Variants in RGS22 observed in about 807,000 individuals in gnomAD.
The protein encoded by RGS22 is regulator of G-protein signaling 22.
In RGS22, 148 loss-of-function variants were observed where a neutral mutation model predicts 172.9. That is an observed-to-expected ratio of 0.86 (90% CI 0.75 to 0.98). The LOEUF (loss-of-function observed/expected upper bound fraction) is 0.98. Ranked by LOEUF, RGS22 falls within the 50% of genes least tolerant of loss-of-function variation. RGS22 has a pLI of 0.00. For missense variants in RGS22, 1,347 were observed against 1,440.8 expected (o/e 0.93, Z 1.05); for synonymous variants, 458 against 480.2 (o/e 0.95, Z 0.60).
intron 14 of RGS22, among the ~76,000 whole-genome samples, chr8:100,037,310 T>C (rs936988387): frequency 6.6e-6 from 1 of 151,894 alleles, no homozygotes; most frequent in African/African-American, 2.4e-5. Flanking sequence ...AGTAAATAAA[T>C]AAAAAAGTAA....
At chr8:99,969,441 T>A (rs1753493903) in intron 23 of RGS22, among the ~76,000 whole-genome samples, 1 of 152,040 alleles carries the variant, frequency 6.6e-6, no homozygotes, top group African/African-American at 2.4e-5. Flanking sequence ...AGACACAAAC[T>A]GGCAAATTGG....
intron 18 of RGS22, among the ~76,000 whole-genome samples, chr8:100,001,219 T>TATATATACAC (rs1402594104): frequency 3.0e-5 from 4 of 132,966 alleles, no homozygotes; most frequent in African/African-American, 1.1e-4. Flanking sequence ...TATATATATA[T>TATATATACAC]ACATATATAT....
At chr8:100,076,601 G>A (rs1811366766) in intron 4 of RGS22, among the ~76,000 whole-genome samples, 1 of 152,130 alleles carries the variant, frequency 6.6e-6, no homozygotes, top group Non-Finnish European at 1.5e-5. Context: ...TGTCTTTGTG[G>A]CACGATTTTA....
chr8:100,011,686 C>A (rs1439420814), intron 14 of RGS22, among the ~76,000 whole-genome samples: 1 of 152,152 alleles, frequency 6.6e-6, no homozygotes, highest in Non-Finnish European at 1.5e-5. Flanking sequence ...CTGACTCCAG[C>A]CTCGAGTTTT....
At chr8:100,035,509 G>A (rs902339769) in intron 14 of RGS22, among the ~76,000 whole-genome samples, 3 of 152,216 alleles carry the variant, frequency 2.0e-5, no homozygotes, top group Non-Finnish European at 2.9e-5. Flanking sequence ...TACACTGTTG[G>A]TGGGAGTATA....
chr8:99,962,625 G>T, intron 26 of RGS22, 62 bp downstream of exon 26: 1 of 1,514,502 alleles, frequency 6.6e-7, no homozygotes, highest in Non-Finnish European at 9.0e-7. Context: ...ATGGCCAGGT[G>T]AGAGGCAAAA....
chr8:99,999,275 C>T lies in RGS22; in HGVS notation c.2936G>A (p.Arg979His), dbSNP rs1008009423. The T allele has an allele frequency of 7.4e-6, 12 of 1,613,556 alleles. No individual in the cohort carries two copies. Among genetic ancestry groups the T allele is most frequent in the South Asian group, 1.1e-5 (1 of 90,996 alleles). Reference protein sequence around the residue: ...LFLASEQFAARQKIKVQMKDI... With the variant: ...LFLASEQFAAHQKIKVQMKDI... ...TAATTTATATACCTTTATCTTCTGACGTGCTGCAAACTGTTCACTTGCAAG... is the reference window on the plus strand; with the variant it reads ...TAATTTATATACCTTTATCTTCTGATGTGCTGCAAACTGTTCACTTGCAAG... The change falls in exon 19 of 28, where the codon CGT becomes CAT. Residue 979 changes from arginine (R) to histidine (H), a missense_variant. Transcript: ENST00000360863.
At chr8:100,102,306 T>C (rs568580802) in intron 2 of RGS22, among the ~76,000 whole-genome samples, 1 of 152,214 alleles carries the variant, frequency 6.6e-6, no homozygotes, top group African/African-American at 2.4e-5. Context: ...GTGACCATGT[T>C]TGGCTGCAAG....
At chr8:99,964,420 G>A (rs1014112384) in intron 24 of RGS22, among the ~76,000 whole-genome samples, 1 of 145,128 alleles carries the variant, frequency 6.9e-6, no homozygotes, top group South Asian at 2.2e-4. Flanking sequence ...CCTTTAACCT[G>A]CAAAGAGTTA....
chr8:99,986,556 T>C (rs932927787), intron 21 of RGS22, among the ~76,000 whole-genome samples: 1 of 152,188 alleles, frequency 6.6e-6, no homozygotes, highest in Non-Finnish European at 1.5e-5. Flanking sequence ...AGTATTTCTA[T>C]ACAACATTTC....
At chr8:99,994,049 T>G (rs1337778901) in intron 20 of RGS22, among the ~76,000 whole-genome samples, 2 of 152,156 alleles carry the variant, frequency 1.3e-5, no homozygotes, top group African/African-American at 2.4e-5. Flanking sequence ...GAAAAGGCCT[T>G]CAACAAATTC....
intron 27 of RGS22, among the ~76,000 whole-genome samples, chr8:99,961,739 G>T (rs1221275212): frequency 6.6e-6 from 1 of 152,090 alleles, no homozygotes; most frequent in African/African-American, 2.4e-5. Flanking sequence ...CTGAGGGGTG[G>T]AGAAATGGGC....
Position 99,978,006 on chromosome 8 carries a change from C to G in RGS22, c.3430G>C (p.Glu1144Gln). The G allele has an allele frequency of 6.5e-7, 1 of 1,550,324 alleles. No homozygotes were observed. The highest frequency in any genetic ancestry group is 1.7e-4 in the Middle Eastern group (1 of 5,752). Reference sequence around the variant, plus strand: ...CTCTCTAAAACACTCATAATATTTTCATCTGTTAAATTCTTCCTAAACTCA... The same window carrying G: ...CTCTCTAAAACACTCATAATATTTTGATCTGTTAAATTCTTCCTAAACTCA... ...FCEFRKNLTDENIMSVLERRQ... is the reference protein window; with the variant it reads ...FCEFRKNLTDQNIMSVLERRQ... The change falls in exon 23 of 28, where the codon GAA (glutamate) becomes CAA (glutamine). Residue 1144 changes from glutamate (E) to glutamine (Q), a missense_variant. Physicochemically the swap from Glu to Gln is conservative, Grantham distance 29. Coordinates refer to ENST00000360863, the MANE Select transcript of RGS22 (RefSeq NM_015668.5).
chr8:100,073,024 C>A (rs1158243348), intron 4 of RGS22, among the ~76,000 whole-genome samples: 1 of 152,146 alleles, frequency 6.6e-6, no homozygotes, highest in Non-Finnish European at 1.5e-5. Flanking sequence ...TACAGAATTA[C>A]TGAAGAGTTA....
intron 22 of RGS22, among the ~76,000 whole-genome samples, chr8:99,978,894 G>A (rs915867386): frequency 7.2e-5 from 11 of 152,070 alleles, no homozygotes; most frequent in Non-Finnish European, 1.6e-4. Flanking sequence ...AACTCATAGG[G>A]GAAAAGAGGA....
intron 15 of RGS22, among the ~76,000 whole-genome samples, chr8:100,007,498 T>C (rs1226915199): frequency 3.3e-5 from 5 of 152,164 alleles, no homozygotes; most frequent in Non-Finnish European, 5.9e-5. Flanking sequence ...CTGGGGGTAC[T>C]TTAAAATAGA....
chr8:99,973,883 C>A lies in RGS22; in HGVS notation c.3519+4034G>T, dbSNP rs1358528096. 5.3e-3 allele frequency among the ~76,000 whole-genome samples: 759 copies of A among 143,288 alleles called. 9 individuals are homozygous for A. Among genetic ancestry groups the A allele is most frequent in the African/African-American group, 0.018 (679 of 38,698 alleles). 94.0% of individuals were successfully genotyped at this position (143,288 alleles called of 152,430 possible). A position where few individuals can be genotyped will look rare whatever the true frequency, so the allele number is the denominator to read the frequency against. On this transcript the variant is annotated intron_variant, in intron 23 of 27. Transcript: ENST00000360863. Reference sequence around the variant, plus strand: ...GACTCCATCTCAAAAAAAAAAAAAACAAAAAAAACCCAAAAACCCAGATGA... The same window carrying A: ...GACTCCATCTCAAAAAAAAAAAAAAAAAAAAAAACCCAAAAACCCAGATGA...
chr8:99,978,668 T>C (rs1022574993), intron 22 of RGS22, among the ~76,000 whole-genome samples: 2 of 152,260 alleles, frequency 1.3e-5, no homozygotes, highest in Admixed American at 1.3e-4. Flanking sequence ...AAATGCTTTC[T>C]ATAAGGACAC....
Position 100,105,371 on chromosome 8 carries a change from T to TA in RGS22, c.54+2dup. ...AAAAATAGCCCCTTGAAATGATACTTACAAATTCTTCTTCTGTAATAGTTG... is the reference window on the plus strand; with the variant it reads ...AAAAATAGCCCCTTGAAATGATACTTAACAAATTCTTCTTCTGTAATAGTTG... On this transcript the variant is annotated splice_region_variant and intron_variant, in intron 2 of 27. Transcript: ENST00000360863. The TA allele has an allele frequency of 6.2e-7, 1 of 1,607,056 alleles. No homozygotes were observed. Among genetic ancestry groups the TA allele is most frequent in the Non-Finnish European group, 8.5e-7 (1 of 1,173,890 alleles).
Sources: gnomAD v4.1 joint callset for allele counts (sites outside exome capture counted in the v4.1 genomes callset) on GRCh38, gnomAD v4.1.1 for gene constraint, MANE v1.5 for transcripts, NCBI Gene and HGNC (gene_info 2026-07-23, HGNC 2026-07-21) for gene names.